Variants in CUX1 observed in about 807,000 individuals in gnomAD.
The protein encoded by CUX1 is protein CASP.
In CUX1, 31 loss-of-function variants were observed where a neutral mutation model predicts 158.8. That is an observed-to-expected ratio of 0.20 (90% confidence interval 0.15 to 0.26). The LOEUF (loss-of-function observed/expected upper bound fraction) is 0.26. Among genes scored for constraint, CUX1 ranks in the 10% least tolerant of loss-of-function variants. The pLI, the probability that CUX1 is intolerant of heterozygous loss-of-function variation, is 1.00. For missense variants in CUX1, 1,589 were observed against 2,014.6 expected (o/e 0.79, Z 4.04); for synonymous variants, 879 against 862.1 (o/e 1.02, Z -0.34).
rs1265470174 is a variant in CUX1 at position 101,979,714 on chromosome 7, A to G, written c.142-48384A>G. Among the ~76,000 whole-genome samples, 4 of 152,200 alleles carry G rather than the reference A, an allele frequency of 2.6e-5. No individual in the cohort carries two copies. In the South Asian group the frequency reaches 6.2e-4, roughly 24 times the overall value. ...ATCCAGGCTGGAGTGTAGTAGCACA[A>G]TGTCGGTTCACTGCAACCTCCACCT... On this transcript the variant is annotated intron_variant, in intron 2 of 23. Transcript: ENST00000292535.
chr7:102,261,228 T>TG (rs1790379052), downstream of CUX1, among the ~76,000 whole-genome samples: 1 of 152,194 alleles, frequency 6.6e-6, no homozygotes, highest in Non-Finnish European at 1.5e-5. Flanking sequence ...GCATGGTGGG[T>TG]CACGCCTATA....
intron 2 of CUX1, among the ~76,000 whole-genome samples, chr7:101,920,311 G>A (rs557663518): frequency 4.3e-4 from 65 of 151,784 alleles, no homozygotes; most frequent in African/African-American, 1.5e-3. Flanking sequence ...TTTAGTAGAG[G>A]TGAGGTTTCA....
chr7:102,023,929 T>C (rs1819694894), intron 2 of CUX1, among the ~76,000 whole-genome samples: 1 of 152,116 alleles, frequency 6.6e-6, no homozygotes, highest in Non-Finnish European at 1.5e-5. Flanking sequence ...ATGAATATGC[T>C]CAAAAGGGAA....
intron 19 of CUX1, chr7:102,280,233 CT>C: frequency 1.5e-6 from 1 of 678,576 alleles, no homozygotes; most frequent in Non-Finnish European, 2.6e-6. Context: ...CCTGGCTCCC[CT>C]CCACCTGCCC....
At chr7:101,923,658 A>G (rs1169787013) in intron 2 of CUX1, among the ~76,000 whole-genome samples, 3 of 152,200 alleles carry the variant, frequency 2.0e-5, no homozygotes, top group Non-Finnish European at 4.4e-5. Context: ...CGTTAATCCC[A>G]ACGATGCCTG....
At chr7:102,221,640 C>T (rs1005018048) in intron 20 of CUX1, among the ~76,000 whole-genome samples, 17 of 148,552 alleles carry the variant, frequency 1.1e-4, no homozygotes, top group Admixed American at 3.4e-4. Context: ...TTTTATAGTT[C>T]GTGAATGCCT....
intron 8 of CUX1, among the ~76,000 whole-genome samples, chr7:102,157,746 C>G (rs1789933358): frequency 2.0e-5 from 3 of 152,206 alleles, no homozygotes; most frequent in African/African-American, 7.2e-5. Context: ...CATCATTGCA[C>G]TCCAGCCTGG....
At chr7:101,897,408 G>C (rs1226064841) in intron 1 of CUX1, among the ~76,000 whole-genome samples, 2 of 152,084 alleles carry the variant, frequency 1.3e-5, no homozygotes, top group East Asian at 3.9e-4. Flanking sequence ...GGCTGAGGTG[G>C]AAGGATTGCT....
In CUX1 at chr7:101,823,423, A is replaced by C. The variant is rs113929450; in HGVS notation, c.30+5754A>C. Among the ~76,000 whole-genome samples, 167 of 152,328 alleles carry C rather than the reference A, an allele frequency of 1.1e-3. 6 individuals carry two copies. The East Asian group carries it at 0.03, about 28-fold the overall frequency. On this transcript the variant is annotated intron_variant, in intron 1 of 23. Transcript: ENST00000292535. ...GAAAACCTTTGTGAAAATGAGCCCA[A>C]TAAGGGGTCCGAACCTTTATAAAGC...
chr7:102,067,858 A>G (rs2130526527), intron 3 of CUX1, among the ~76,000 whole-genome samples: 1 of 34,756 alleles, frequency 2.9e-5, no homozygotes, highest in East Asian at 8.3e-3. Flanking sequence ...CTCCACTAAA[A>G]ATACAAAAAA....
intron 1 of CUX1, among the ~76,000 whole-genome samples, chr7:101,845,321 A>G (rs931185683): frequency 1.3e-5 from 2 of 152,296 alleles, no homozygotes; most frequent in Admixed American, 6.5e-5. Context: ...CCTCATTCTC[A>G]AACATGAAGA....
intron 3 of CUX1, among the ~76,000 whole-genome samples, chr7:102,067,903 C>T (rs1168772511): frequency 6.6e-6 from 1 of 151,652 alleles, no homozygotes; most frequent in Non-Finnish European, 1.5e-5. Flanking sequence ...CTCCTGTAGT[C>T]TCAGCTACTT....
intron 1 of CUX1, among the ~76,000 whole-genome samples, chr7:101,884,728 T>C (rs549532316): frequency 1.3e-5 from 2 of 152,354 alleles, no homozygotes; most frequent in Admixed American, 6.5e-5. Flanking sequence ...ATATAGAACA[T>C]TGACTTTAGC....
At chr7:101,954,590 C>T (rs953782331) in intron 2 of CUX1, among the ~76,000 whole-genome samples, 4 of 152,000 alleles carry the variant, frequency 2.6e-5, no homozygotes, top group Non-Finnish European at 5.9e-5. Context: ...AGGCAGATCA[C>T]TTGAGTGCAG....
intron 9 of CUX1, among the ~76,000 whole-genome samples, chr7:102,165,137 G>A (rs1338940515): frequency 1.3e-5 from 2 of 152,026 alleles, no homozygotes; most frequent in Non-Finnish European, 2.9e-5. Flanking sequence ...TCGCACATGA[G>A]ACCCCCCAGC....
At position 102,249,734 on chromosome 7, in the gene CUX1, G is replaced by A; in HGVS notation, c.*692G>A. 1 of 983,532 alleles carries A rather than the reference G, an allele frequency of 1.0e-6. No individual in the cohort carries two copies. The highest frequency in any genetic ancestry group is 1.2e-6 in the Non-Finnish European group (1 of 828,366). The allele number at this position is 983,532 out of a possible 1,614,324, so 60.9% of individuals were successfully genotyped here. ...AAAAGAAAGTTTTTGTAGCTGTTCAGTTGCCACTAAGAGATTGCACAGTCA... is the reference window on the plus strand; with the variant it reads ...AAAAGAAAGTTTTTGTAGCTGTTCAATTGCCACTAAGAGATTGCACAGTCA... On this transcript the variant is annotated 3_prime_UTR_variant, in exon 24 of 24. Coordinates refer to ENST00000292535, the MANE Select transcript of CUX1 (RefSeq NM_181552.4).
intron 3 of CUX1, among the ~76,000 whole-genome samples, chr7:102,058,240 C>T: frequency 6.6e-6 from 1 of 152,130 alleles, no homozygotes. Context: ...ATTTATGTGA[C>T]TTGCTTCATT....
chr7:102,254,964 A>T lies in CUX1; in HGVS notation c.*5922A>T. On this transcript the variant is annotated 3_prime_UTR_variant, in exon 24 of 24. Transcript: ENST00000292535. ...AGTTTAGAAAGATCCAGTCTGTGAAACCCTTAGAGATGGGCTGAAAGTTAA... is the reference window on the plus strand; with the variant it reads ...AGTTTAGAAAGATCCAGTCTGTGAATCCCTTAGAGATGGGCTGAAAGTTAA... 1.0e-6 allele frequency: 1 copy of T among 985,230 alleles called. No individual in the cohort carries two copies. Among genetic ancestry groups the T allele is most frequent in the Non-Finnish European group, 1.2e-6 (1 of 829,934 alleles). 61.0% of individuals were successfully genotyped at this position (985,230 alleles called of 1,614,324 possible).
At chr7:101,823,978 C>T (rs1029214521) in intron 1 of CUX1, among the ~76,000 whole-genome samples, 1 of 152,206 alleles carries the variant, frequency 6.6e-6, no homozygotes, top group Non-Finnish European at 1.5e-5. Flanking sequence ...CCATTTCCCC[C>T]CAAAAGCAAG....
Sources: gnomAD v4.1 joint callset for allele counts (sites outside exome capture counted in the v4.1 genomes callset) on GRCh38, gnomAD v4.1.1 for gene constraint, MANE v1.5 for transcripts, NCBI Gene and HGNC (gene_info 2026-07-23, HGNC 2026-07-21) for gene names.